PDZD2: variants seen among roughly 807,000 people sequenced by gnomAD.
PDZD2 encodes PDZ domain-containing protein 2.
PDZD2 carries 90 observed loss-of-function variants against 220.7 expected under a neutral mutation model. The ratio of observed to expected loss-of-function variants is 0.41; its 90% CI spans 0.34 to 0.49. The LOEUF is 0.49. Ranked by LOEUF, PDZD2 falls within the 20% of genes least tolerant of loss-of-function variation. The pLI is 0.28. For missense variants in PDZD2, 3,174 were observed against 3,608.5 expected, an observed-to-expected ratio of 0.88 and a Z score of 3.08; for synonymous variants, 1,375 against 1,450.5, an observed-to-expected ratio of 0.95 and a Z score of 1.18.
intron 5 of PDZD2, among the ~76,000 whole-genome samples, chr5:32,003,331 CCA>C (rs1238126908): frequency 1.1e-3 from 75 of 69,696 alleles, no homozygotes; most frequent in Non-Finnish European, 1.4e-3. Flanking sequence ...ACACACACCC[CCA>C]CCACACCACA....
intron 2 of PDZD2, among the ~76,000 whole-genome samples, chr5:31,845,676 G>C (rs147874809): frequency 1.1e-4 from 16 of 152,350 alleles, no homozygotes; most frequent in African/African-American, 3.1e-4. Flanking sequence ...TAGACTCTCA[G>C]ATCCAGCTCC....
At chr5:31,989,887 A>G (rs528010114) in intron 3 of PDZD2, among the ~76,000 whole-genome samples, 5 of 152,264 alleles carry the variant, frequency 3.3e-5, no homozygotes, top group African/African-American at 1.2e-4. Context: ...CCCCAAGAAT[A>G]CTAGTCCTGG....
chr5:32,095,007 T>C (rs1318569727), intron 21 of PDZD2, among the ~76,000 whole-genome samples: 1 of 152,248 alleles, frequency 6.6e-6, no homozygotes, highest in Non-Finnish European at 1.5e-5. Flanking sequence ...GAAAGTCTCA[T>C]TCTGAGACCA....
At chr5:32,022,176 T>C in intron 6 of PDZD2, among the ~76,000 whole-genome samples, 1 of 95,004 alleles carries the variant, frequency 1.1e-5, no homozygotes, top group East Asian at 2.3e-4. Flanking sequence ...TTTTTCGTTT[T>C]GTTTTTTTGT....
intron 1 of PDZD2, among the ~76,000 whole-genome samples, chr5:31,743,321 T>A: frequency 6.6e-6 from 1 of 152,078 alleles, no homozygotes. Context: ...ATTACAGGCA[T>A]GCGCCACCAT....
Position 32,073,988 on chromosome 5 carries a change from A to G in PDZD2, c.2882A>G (p.Lys961Arg), listed in dbSNP as rs575228651. ...CGAAACCCTCTCCTCCGCCAGAGGA[A>G]GGTAGGCTGCTACGATGCCAACGAT... The part of the protein sequence containing the change: ...ALRNPLLRQR[K>R]VGCYDANDAS... The change falls in exon 18 of 25, where the codon AAG (lysine) becomes AGG (arginine). Residue 961 changes from lysine to arginine, a missense_variant. This residue lies in a region of PDZD2 where 1,861 missense variants were observed against 2,001.0 expected (regional missense o/e 0.93). Transcript: ENST00000438447. 1.2e-6 allele frequency: 2 copies of G among 1,614,188 alleles called. No homozygotes were observed. Among genetic ancestry groups the G allele is most frequent in the East Asian group, 2.2e-5 (1 of 44,878 alleles).
Position 31,646,985 on chromosome 5 carries a change from G to T in PDZD2, c.-361+7548G>T, listed in dbSNP as rs1745157887. Among the ~76,000 whole-genome samples, 1 of 152,182 alleles carries T rather than the reference G, an allele frequency of 6.6e-6. No individual in the cohort carries two copies. The highest frequency in any genetic ancestry group is 6.5e-5 in the Admixed American group (1 of 15,278). On this transcript the variant is annotated intron_variant, in intron 1 of 24. Coordinates refer to ENST00000438447, the MANE Select transcript of PDZD2 (RefSeq NM_178140.4). This position sits in a 1 kb window ranked among gnomAD's most constrained non-coding sequence, Gnocchi z 4.7. The stretch of plus-strand genomic sequence containing the variant: ...GCATTAACTCCTCTCTGGACTTACT[G>T]CTCATCTTTAAAAACCTAAGCAGAT...
intron 1 of PDZD2, among the ~76,000 whole-genome samples, chr5:31,763,926 C>T (rs1561440502): frequency 6.7e-6 from 1 of 149,780 alleles, no homozygotes; most frequent in Non-Finnish European, 1.5e-5. Flanking sequence ...GAGTAGTGAG[C>T]TCGGGCTCTG....
intron 19 of PDZD2, among the ~76,000 whole-genome samples, chr5:32,079,392 C>T (rs945067060): frequency 1.3e-5 from 2 of 151,878 alleles, no homozygotes; most frequent in Non-Finnish European, 2.9e-5. Flanking sequence ...GTGGGAGTCC[C>T]GGCAGTCCTC....
chr5:31,749,095 G>C (rs894127638), intron 1 of PDZD2, among the ~76,000 whole-genome samples: 1 of 150,810 alleles, frequency 6.6e-6, no homozygotes, highest in East Asian at 2.0e-4. Flanking sequence ...ATGGGGGGGG[G>C]CCTTAATTTG....
At chr5:31,932,942 C>G (rs917587779) in intron 2 of PDZD2, among the ~76,000 whole-genome samples, 7 of 150,312 alleles carry the variant, frequency 4.7e-5, no homozygotes, top group African/African-American at 1.7e-4. Context: ...CAGAGTTTCG[C>G]TCTTGTTGCC....
chr5:32,100,831 T>C, intron 23 of PDZD2: 1 of 1,402,296 alleles, frequency 7.1e-7, no homozygotes, highest in Non-Finnish European at 9.7e-7. Context: ...GATTTCTGCT[T>C]GGGCATAAAA....
At chr5:31,969,293 G>A (rs572462832) in intron 2 of PDZD2, among the ~76,000 whole-genome samples, 32 of 152,008 alleles carry the variant, frequency 2.1e-4, no homozygotes, top group Non-Finnish European at 3.2e-4. Flanking sequence ...GATCGCTTGA[G>A]CTCAGGAGTT....
At chr5:31,715,666 C>T (rs1748401840) in intron 1 of PDZD2, among the ~76,000 whole-genome samples, 1 of 152,194 alleles carries the variant, frequency 6.6e-6, no homozygotes, top group Admixed American at 6.5e-5. Flanking sequence ...GTCACAGACT[C>T]CATTTTACCA....
chr5:32,090,631 C>T lies in PDZD2; in HGVS notation c.7183C>T (p.Arg2395Cys), dbSNP rs747639151. 1.5e-5 allele frequency: 25 copies of T among 1,613,994 alleles called. No homozygotes were observed. The Middle Eastern group carries it at 4.9e-4, about 32-fold the overall frequency. ...PGDAAARLLR[R>C]SLSSCSENQS... The stretch of plus-strand genomic sequence containing the variant: ...TGACGCAGCAGCAAGGTTGTTGAGA[C>T]GCAGCTTGAGTTCCTGCAGCGAAAA... Residue 2395 changes from arginine (R) to cysteine (C), a missense_variant, in exon 20 of 25, where the codon CGC (arginine) becomes TGC (cysteine). Arg to Cys is a radical substitution (Grantham distance 180). Around this residue, in one of 4 missense-constraint regions of PDZD2, gnomAD observed 631 missense variants for 789.9 expected, o/e 0.80. Transcript: ENST00000438447. The surrounding 1 kb of genome is among the most constrained non-coding windows in gnomAD (Gnocchi z 4.3).
intron 2 of PDZD2, among the ~76,000 whole-genome samples, chr5:31,973,018 C>T (rs1749443654): frequency 6.6e-6 from 1 of 152,234 alleles, no homozygotes. Flanking sequence ...AGTATCTCTG[C>T]AGTACGTTTT....
At chr5:32,052,835 G>A (rs1738703074) in intron 9 of PDZD2, 105 bp downstream of exon 9, 10 of 1,241,318 alleles carry the variant, frequency 8.1e-6, no homozygotes, top group Non-Finnish European at 1.2e-5. Flanking sequence ...TTTAGAAACA[G>A]GTTCTTGCTC....
intron 2 of PDZD2, among the ~76,000 whole-genome samples, chr5:31,916,711 G>T (rs981087356): frequency 1.3e-5 from 2 of 152,244 alleles, no homozygotes; most frequent in South Asian, 4.2e-4. Context: ...CTTGTGCTCT[G>T]CATAGAGCCA....
At chr5:31,924,047 C>T (rs1465286547) in intron 2 of PDZD2, among the ~76,000 whole-genome samples, 1 of 152,174 alleles carries the variant, frequency 6.6e-6, no homozygotes, top group Non-Finnish European at 1.5e-5. Flanking sequence ...AAATGAATGG[C>T]AGTGCTTTCA....
Sources: allele counts gnomAD v4.1 joint callset (sites outside exome capture counted in the v4.1 genomes callset), GRCh38; gene constraint gnomAD v4.1.1; regional missense constraint gnomAD v4.1.1; non-coding constraint Gnocchi (gnomAD v3.1); transcripts MANE v1.5; gene names NCBI Gene and HGNC (gene_info 2026-07-23, HGNC 2026-07-21).